Variants in PCDH15 observed in about 807,000 individuals in gnomAD.
PCDH15 encodes the protein protocadherin-15.
PCDH15 carries 129 observed loss-of-function variants against 178.5 expected under a neutral mutation model. That is an observed-to-expected ratio of 0.72 (90% confidence interval 0.63 to 0.84). PCDH15 has a LOEUF of 0.84. Among genes scored for constraint, PCDH15 ranks in the 40% least tolerant of loss-of-function variants. PCDH15 has a pLI of 0.00. For synonymous variants in PCDH15, 800 were observed against 732.0 expected, an observed-to-expected ratio of 1.09 and a Z score of -1.50; for missense variants, 2,230 against 2,099.9, an observed-to-expected ratio of 1.06 and a Z score of -1.21.
intron 1 of PCDH15, among the ~76,000 whole-genome samples, chr10:54,693,173 T>G (rs1468751450): frequency 6.6e-6 from 1 of 152,040 alleles, no homozygotes; most frequent in Non-Finnish European, 1.5e-5. Context: ...TAAAAAGAAA[T>G]AAAACCATTC....
At chr10:54,302,642 T>C in intron 8 of PCDH15, among the ~76,000 whole-genome samples, 1 of 152,172 alleles carries the variant, frequency 6.6e-6, no homozygotes, top group East Asian at 1.9e-4. Context: ...AAATAAATTT[T>C]TAGTTTTATA....
intron 2 of PCDH15, among the ~76,000 whole-genome samples, chr10:55,136,682 C>T (rs1191470713): frequency 1.3e-5 from 2 of 152,022 alleles, no homozygotes; most frequent in African/African-American, 2.4e-5. Flanking sequence ...TCAGTTACTC[C>T]TATGAGCCAA....
intron 2 of PCDH15, among the ~76,000 whole-genome samples, chr10:55,516,818 A>G (rs1367550577): frequency 1.3e-5 from 2 of 152,126 alleles, no homozygotes; most frequent in Non-Finnish European, 2.9e-5. Context: ...CAATTTAGGC[A>G]AAAAAATTTC....
chr10:55,509,970 T>C (rs1287246860), intron 2 of PCDH15, among the ~76,000 whole-genome samples: 1 of 151,964 alleles, frequency 6.6e-6, no homozygotes, highest in African/African-American at 2.4e-5. Flanking sequence ...TGCAGTTTAA[T>C]AGTGAAGGCA....
chr10:53,810,177 G>A (rs1023137126), intron 37 of PCDH15, among the ~76,000 whole-genome samples: 1 of 152,108 alleles, frequency 6.6e-6, no homozygotes, highest in Non-Finnish European at 1.5e-5. Flanking sequence ...TTGAAAGGTG[G>A]AGACTATATT....
rs776955475 is a variant in PCDH15 at position 55,302,295 on chromosome 10, AAC to A, written c.-156+17302_-156+17303del. 1.8e-4 allele frequency among the ~76,000 whole-genome samples: 28 copies of A among 152,260 alleles called. 1 individual carries two copies. In the East Asian group the frequency reaches 5.2e-3, roughly 28 times the overall value. On this transcript the variant is annotated intron_variant, in intron 1 of 5. Coordinates refer to the PCDH15 transcript ENST00000458638. ...TAAAGTTCTATAGTTTTAATATAAA[AAC>A]ACTGCATATGTTTTACTAGATATTT...
chr10:53,980,978 G>A (rs1361980355), intron 21 of PCDH15, among the ~76,000 whole-genome samples: 3 of 152,062 alleles, frequency 2.0e-5, no homozygotes, highest in Admixed American at 1.3e-4. Flanking sequence ...GCTTTGTGAT[G>A]TCCTTTTATC....
chr10:54,250,325 C>T (rs1250245331), intron 8 of PCDH15, among the ~76,000 whole-genome samples: 2 of 146,240 alleles, frequency 1.4e-5, no homozygotes, highest in African/African-American at 5.1e-5. Context: ...ACCAGTTGCC[C>T]AGGCTAGAGG....
At chr10:54,884,806 C>T (rs1289460307) in intron 3 of PCDH15, among the ~76,000 whole-genome samples, 2 of 151,804 alleles carry the variant, frequency 1.3e-5, no homozygotes, top group Non-Finnish European at 2.9e-5. Context: ...AGAACTAAAG[C>T]CAAATTCTTA....
chr10:54,349,671 T>C (rs979010846), intron 5 of PCDH15, among the ~76,000 whole-genome samples: 23 of 152,022 alleles, frequency 1.5e-4, no homozygotes, highest in African/African-American at 4.8e-4. Context: ...AACTCTACAT[T>C]GTTATAATGT....
At chr10:54,098,354 A>T (rs931516010) in intron 15 of PCDH15, among the ~76,000 whole-genome samples, 2 of 152,112 alleles carry the variant, frequency 1.3e-5, no homozygotes, top group African/African-American at 4.8e-5. Context: ...TATAATTATT[A>T]AAAAATTTGC....
chr10:54,954,067 A>T (rs1838415384), intron 2 of PCDH15, among the ~76,000 whole-genome samples: 1 of 151,172 alleles, frequency 6.6e-6, no homozygotes, highest in African/African-American at 2.4e-5. Context: ...TTTCTATATC[A>T]TGTTTTACAA....
intron 1 of PCDH15, among the ~76,000 whole-genome samples, chr10:54,784,815 T>A (rs1950693086): frequency 6.6e-6 from 1 of 152,152 alleles, no homozygotes; most frequent in African/African-American, 2.4e-5. Context: ...TTTGTTTATA[T>A]CTTTATACAT....
chr10:55,015,542 G>T (rs1014882596), intron 2 of PCDH15, among the ~76,000 whole-genome samples: 7 of 152,106 alleles, frequency 4.6e-5, no homozygotes, highest in Admixed American at 1.3e-4. Context: ...CCAATTGCTG[G>T]GTCCTTGGCA....
At chr10:54,803,287 CATGTAT>C (rs1676397921), upstream of PCDH15, among the ~76,000 whole-genome samples, 2 of 152,146 alleles carry the variant, frequency 1.3e-5, no homozygotes, top group African/African-American at 2.4e-5. Context: ...TGTTTCATTG[CATGTAT>C]ATGTATATTT....
intron 3 of PCDH15, among the ~76,000 whole-genome samples, chr10:54,846,214 C>T (rs534775427): frequency 6.6e-6 from 1 of 152,174 alleles, no homozygotes; most frequent in African/African-American, 2.4e-5. Context: ...TGTAATAAAA[C>T]ACACAGTATC....
rs550282961 is a variant in PCDH15, at chr10:53,827,430, C to G, written c.4330G>C (p.Gly1444Arg). 6.2e-6 allele frequency: 10 copies of G among 1,613,018 alleles called. No homozygotes were observed. In the African/African-American group the frequency reaches 1.3e-4, roughly 21 times the overall value. The change falls in exon 32 of 38, where the codon GGT becomes CGT. Residue 1444 changes from glycine (G) to arginine (R), a missense_variant. Transcript: ENST00000644397. ...CCAAGTTCTTCATAGAGATGCGCAC[C>G]TGGCGGAGGCGGCGGCGGCGGCGGG... ...APPPPPPPPP[G>R]AHLYEELGDS...
At chr10:55,090,325 T>C (rs1842284986) in intron 2 of PCDH15, among the ~76,000 whole-genome samples, 1 of 151,970 alleles carries the variant, frequency 6.6e-6, no homozygotes, top group Non-Finnish European at 1.5e-5. Flanking sequence ...AGTAGAGCCT[T>C]AGGGAAAAAT....
At chr10:54,121,532 C>G (rs1383647086) in intron 15 of PCDH15, among the ~76,000 whole-genome samples, 3 of 151,864 alleles carry the variant, frequency 2.0e-5, no homozygotes, top group Non-Finnish European at 4.4e-5. Flanking sequence ...ACAGGATAAA[C>G]AAGATCAATA....
Sources: allele counts gnomAD v4.1 joint callset (sites outside exome capture counted in the v4.1 genomes callset), GRCh38; gene constraint gnomAD v4.1.1; transcripts MANE v1.5; gene names NCBI Gene and HGNC (gene_info 2026-07-23, HGNC 2026-07-21).